The following KCNQ5 variants were observed in gnomAD, a reference collection of about 807,000 sequenced individuals.
KCNQ5 encodes the protein potassium voltage-gated channel subfamily KQT member 5.
In KCNQ5, 30 loss-of-function variants were observed where a neutral mutation model predicts 98.2. That is an observed-to-expected ratio of 0.31 (90% CI 0.23 to 0.41). The LOEUF (loss-of-function observed/expected upper bound fraction) is 0.41, where lower values mean the gene tolerates loss of function less well. Ranked by LOEUF, KCNQ5 falls within the 10% of genes least tolerant of loss-of-function variation. The probability of loss-of-function intolerance (pLI) is 1.00; values close to 1 mark genes in which losing one functional copy is unlikely to be tolerated. For synonymous variants in KCNQ5, 458 were observed against 449.4 expected, an observed-to-expected ratio of 1.02 and a Z score of -0.24; for missense variants, 835 against 1,182.5, an observed-to-expected ratio of 0.71 and a Z score of 4.31.
intron 5 of KCNQ5, among the ~76,000 whole-genome samples, chr6:73,098,911 T>C (rs376374530): frequency 2.0e-5 from 3 of 152,160 alleles, no homozygotes; most frequent in African/African-American, 7.2e-5. Flanking sequence ...GACAAAAAGA[T>C]GAACTTATCA....
At chr6:72,959,584 G>A (rs1375258447) in intron 1 of KCNQ5, among the ~76,000 whole-genome samples, 5 of 152,216 alleles carry the variant, frequency 3.3e-5, no homozygotes, top group African/African-American at 1.2e-4. Context: ...AGTTGAAAGA[G>A]TAGCGAACAA....
At position 73,044,308 on chromosome 6, in the gene KCNQ5, G is replaced by T. The variant is rs2153840; in HGVS notation, c.616+2246G>T. Among the ~76,000 whole-genome samples, 110 of 152,154 alleles carry T rather than the reference G, an allele frequency of 7.2e-4. 1 individual carries two copies. Among genetic ancestry groups the T allele is most frequent in the African/African-American group, 2.6e-3 (109 of 41,472 alleles). ...AAAAATACTAGTATGACATGGTTTA[G>T]GCATAATTGCAGTTTTGTTAACCCT... On this transcript the variant is annotated intron_variant, in intron 3 of 13. Transcript: ENST00000370398.
At chr6:72,885,603 T>C (rs910952757) in intron 1 of KCNQ5, among the ~76,000 whole-genome samples, 3 of 152,164 alleles carry the variant, frequency 2.0e-5, no homozygotes, top group Non-Finnish European at 4.4e-5. Context: ...CTTACAAAAA[T>C]ACATAGTTGA....
intron 11 of KCNQ5, 97 bp from the exon 12 acceptor site, chr6:73,190,476 T>C (rs1765552413): frequency 5.1e-6 from 3 of 590,512 alleles, no homozygotes; most frequent in Non-Finnish European, 7.6e-6. Flanking sequence ...GCATGACTTT[T>C]CCCCCCAGAG....
At chr6:72,812,052 G>A (rs574929554) in intron 1 of KCNQ5, among the ~76,000 whole-genome samples, 14 of 152,108 alleles carry the variant, frequency 9.2e-5, no homozygotes, top group Non-Finnish European at 1.6e-4. Context: ...ATTTGTAAAC[G>A]GTCATGGGGC....
intron 1 of KCNQ5, among the ~76,000 whole-genome samples, chr6:72,835,756 TG>T (rs1355287397): frequency 6.6e-6 from 1 of 152,232 alleles, no homozygotes; most frequent in Non-Finnish European, 1.5e-5. Context: ...GGCACATTTC[TG>T]TTTCAAATCC....
At chr6:72,649,553 C>T (rs1765772021) in intron 1 of KCNQ5, among the ~76,000 whole-genome samples, 2 of 152,132 alleles carry the variant, frequency 1.3e-5, no homozygotes, top group African/African-American at 2.4e-5. Flanking sequence ...GATTTACATA[C>T]TCTACTAACC....
chr6:73,136,648 G>C (rs1392508059), intron 10 of KCNQ5: 1 of 152,182 alleles, frequency 6.6e-6, no homozygotes, highest in Admixed American at 6.5e-5. Context: ...AGAGATAGTA[G>C]CTCCTGCCTC....
chr6:73,022,062 A>G (rs1352600155), intron 2 of KCNQ5, among the ~76,000 whole-genome samples: 2 of 152,204 alleles, frequency 1.3e-5, no homozygotes, highest in Non-Finnish European at 2.9e-5. Context: ...TGTAGCCAAC[A>G]TTAAAAATGC....
At position 73,158,253 on chromosome 6, in the gene KCNQ5, GATT is replaced by G. The variant is rs1192903407; in HGVS notation, c.1469-11492_1469-11490del. ...GCCTTTAAGTCCTGGAATTTTGGAA[GATT>G]TTTTTTTTTTTTTTTTTTTTTTTTT... is the stretch of plus-strand genomic sequence containing the variant. On this transcript the variant is annotated intron_variant, in intron 10 of 13. Transcript: ENST00000370398. 691 of 157,834 alleles carry G rather than the reference GATT, an allele frequency of 4.4e-3. 8 individuals carry two copies. Among genetic ancestry groups the G allele is most frequent in the South Asian group, 0.012 (76 of 6,362 alleles). 9.8% of individuals were successfully genotyped at this position (157,834 alleles called of 1,614,324 possible). A position where few individuals can be genotyped will look rare whatever the true frequency, so the allele number is the denominator to read the frequency against.
intron 1 of KCNQ5, among the ~76,000 whole-genome samples, chr6:72,854,758 T>TGTG (rs1777451483): frequency 6.3e-5 from 8 of 127,154 alleles, no homozygotes; most frequent in Non-Finnish European, 6.7e-5. Context: ...ACACCATGGT[T>TGTG]TGTGTGTGTG....
chr6:72,783,868 T>C (rs1203886118), intron 1 of KCNQ5, among the ~76,000 whole-genome samples: 1 of 152,224 alleles, frequency 6.6e-6, no homozygotes, highest in Non-Finnish European at 1.5e-5. Context: ...GGCTTCTTTT[T>C]CTTATCTGTG....
chr6:73,005,212 G>A (rs912021812), intron 2 of KCNQ5, among the ~76,000 whole-genome samples: 5 of 152,176 alleles, frequency 3.3e-5, no homozygotes, highest in Non-Finnish European at 7.3e-5. Flanking sequence ...AGACCAAAGA[G>A]CACATCAGAG....
rs531849393 is a variant in KCNQ5, at chr6:73,074,967, C to T, written c.617-2355C>T. Among the ~76,000 whole-genome samples, 9 of 152,246 alleles carry T rather than the reference C, an allele frequency of 5.9e-5. 1 individual carries two copies. The South Asian group carries it at 1.9e-3, about 32-fold the overall frequency. On this transcript the variant is annotated intron_variant, in intron 3 of 13. Coordinates refer to ENST00000370398, the MANE Select transcript of KCNQ5 (RefSeq NM_019842.4). ...AAATAAAAGCAAAATGTATGTCCAACAGGGTCATATAAGTAATGTCTGTTT... is the reference window on the plus strand; with the variant it reads ...AAATAAAAGCAAAATGTATGTCCAATAGGGTCATATAAGTAATGTCTGTTT...
At chr6:72,748,019 A>G (rs1207732432) in intron 1 of KCNQ5, among the ~76,000 whole-genome samples, 1 of 152,170 alleles carries the variant, frequency 6.6e-6, no homozygotes, top group Non-Finnish European at 1.5e-5. Flanking sequence ...TTTTCGTTGT[A>G]TAATCTATAC....
At chr6:73,142,252 AG>A (rs1347407262) in intron 10 of KCNQ5, among the ~76,000 whole-genome samples, 1 of 152,154 alleles carries the variant, frequency 6.6e-6, no homozygotes, top group African/African-American at 2.4e-5. Context: ...GGGACTATAC[AG>A]GGGGGTAATA....
At chr6:72,910,286 G>C (rs188956675) in intron 1 of KCNQ5, among the ~76,000 whole-genome samples, 1 of 152,094 alleles carries the variant, frequency 6.6e-6, no homozygotes, top group Non-Finnish European at 1.5e-5. Flanking sequence ...GGACCTTTAA[G>C]TTGAATTCTT....
intron 10 of KCNQ5, among the ~76,000 whole-genome samples, chr6:73,137,085 G>A (rs757413515): frequency 6.6e-6 from 1 of 150,750 alleles, no homozygotes. Context: ...ACTTGCAATT[G>A]AAAGATAGTA....
At chr6:72,928,702 G>C (rs1045358030) in intron 1 of KCNQ5, among the ~76,000 whole-genome samples, 2 of 152,016 alleles carry the variant, frequency 1.3e-5, no homozygotes, top group African/African-American at 4.8e-5. Flanking sequence ...TATAGATATA[G>C]GTATGGAGTA....
Sources: allele counts gnomAD v4.1 joint callset (sites outside exome capture counted in the v4.1 genomes callset), GRCh38; gene constraint gnomAD v4.1.1; transcripts MANE v1.5; gene names NCBI Gene and HGNC (gene_info 2026-07-23, HGNC 2026-07-21).